The following CHRM3 variants were observed in gnomAD, a reference collection of about 807,000 sequenced individuals.
The protein encoded by CHRM3 is cholinergic receptor muscarinic 3.
A neutral mutation model predicts 41.8 loss-of-function variants in CHRM3; 11 were observed. The ratio of observed to expected loss-of-function variants is 0.26; its 90% confidence interval spans 0.17 to 0.44. The LOEUF (loss-of-function observed/expected upper bound fraction) is 0.44, where lower values mean the gene tolerates loss of function less well. CHRM3 is among the 20% of genes least tolerant of loss of function. CHRM3 has a pLI of 1.00. For synonymous variants in CHRM3, 297 were observed against 301.4 expected, an observed-to-expected ratio of 0.99 and a Z score of 0.15; for missense variants, 571 against 745.4, an observed-to-expected ratio of 0.77 and a Z score of 2.72.
At chr1:239,813,888 G>A (rs1189723370) in intron 5 of CHRM3, among the ~76,000 whole-genome samples, 2 of 124,060 alleles carry the variant, frequency 1.6e-5, no homozygotes, top group Non-Finnish European at 3.2e-5. Context: ...CTGCACTCCA[G>A]CCTGGGCGAC....
intron 3 of CHRM3, among the ~76,000 whole-genome samples, chr1:239,565,184 T>A (rs746991399): frequency 1.1e-4 from 17 of 152,178 alleles, no homozygotes; most frequent in Non-Finnish European, 1.5e-5. Flanking sequence ...TCAAGATCCT[T>A]AGTTAATTAC....
At chr1:239,584,428 C>T (rs1327990484) in intron 3 of CHRM3, among the ~76,000 whole-genome samples, 2 of 151,902 alleles carry the variant, frequency 1.3e-5, no homozygotes, top group Non-Finnish European at 1.5e-5. Flanking sequence ...TTATTTTGAG[C>T]GGCTGAGATA....
chr1:239,725,715 G>T (rs1030521808), intron 5 of CHRM3, among the ~76,000 whole-genome samples: 1 of 151,884 alleles, frequency 6.6e-6, no homozygotes, highest in African/African-American at 2.4e-5. Context: ...CTAGCTAAAC[G>T]CTTTATAAAG....
Position 239,634,685 on chromosome 1 carries a change from GA to G in CHRM3, c.-250+2408del, listed in dbSNP as rs200955746. 8.3e-4 allele frequency among the ~76,000 whole-genome samples: 124 copies of G among 148,978 alleles called. 1 individual carries two copies. In the East Asian group the frequency reaches 0.02, roughly 24 times the overall value. ...AATTCACTCTTGTTGACTTGGTTCA[GA>G]AAAAAAAATACAGGTTAAAAACTAA... On this transcript the variant is annotated intron_variant, in intron 4 of 6. Coordinates refer to ENST00000676153, the MANE Select transcript of CHRM3 (RefSeq NM_001375978.1).
intron 5 of CHRM3, chr1:239,727,682 G>A (rs939511975): frequency 6.6e-6 from 1 of 151,816 alleles, no homozygotes. Flanking sequence ...AATGATGCAG[G>A]CTTCATTAAG....
At chr1:239,628,331 C>T (rs1311732601) in intron 3 of CHRM3, among the ~76,000 whole-genome samples, 1 of 51,268 alleles carries the variant, frequency 2.0e-5, no homozygotes. Flanking sequence ...ACGTAGTTCT[C>T]GAGCCTTGGT....
intron 1 of CHRM3, among the ~76,000 whole-genome samples, chr1:239,440,247 G>C (rs1663609637): frequency 6.7e-6 from 1 of 149,916 alleles, no homozygotes; most frequent in African/African-American, 2.5e-5. Flanking sequence ...TTAGAGACCT[G>C]AGCCTGATAA....
chr1:239,877,821 G>A (rs1677232901), intron 6 of CHRM3, among the ~76,000 whole-genome samples: 1 of 152,072 alleles, frequency 6.6e-6, no homozygotes, highest in South Asian at 2.1e-4. Flanking sequence ...TTCTGTGATG[G>A]GGAGGAGAGG....
At chr1:239,653,230 T>C (rs1672400774) in intron 4 of CHRM3, among the ~76,000 whole-genome samples, 1 of 152,004 alleles carries the variant, frequency 6.6e-6, no homozygotes, top group Non-Finnish European at 1.5e-5. Context: ...GTAAGGGGGA[T>C]TCCTAGGAAA....
At chr1:239,889,226 G>A (rs1293015886) in intron 6 of CHRM3, among the ~76,000 whole-genome samples, 2 of 152,190 alleles carry the variant, frequency 1.3e-5, no homozygotes, top group Non-Finnish European at 2.9e-5. Flanking sequence ...GAGCACGGAA[G>A]ATTGGTTGGA....
intron 1 of CHRM3, among the ~76,000 whole-genome samples, chr1:239,396,700 A>C (rs1659511970): frequency 6.6e-6 from 1 of 152,204 alleles, no homozygotes; most frequent in Admixed American, 6.5e-5. Flanking sequence ...ATGGAAATAT[A>C]TATCAAAAGT....
intron 5 of CHRM3, among the ~76,000 whole-genome samples, chr1:239,742,449 C>T (rs577008487): frequency 5.3e-5 from 8 of 152,192 alleles, no homozygotes; most frequent in African/African-American, 1.2e-4. Context: ...GGACTCTCTG[C>T]GGGTGTTTAC....
rs1039416931 is a variant in CHRM3 at position 239,915,006 on chromosome 1, T to TA, written c.*5783dup. On this transcript the variant is annotated 3_prime_UTR_variant, in exon 7 of 7. Coordinates refer to ENST00000676153, the MANE Select transcript of CHRM3 (RefSeq NM_001375978.1). ...TCTTTCTTTTAAATATAGGAACTGTTACCAAGTTTGGTGCAGGCTTGAGGA... is the reference window on the plus strand; with the variant it reads ...TCTTTCTTTTAAATATAGGAACTGTTAACCAAGTTTGGTGCAGGCTTGAGGA... 1.2e-5 allele frequency: 2 copies of TA among 167,228 alleles called. No individual in the cohort carries two copies. Among genetic ancestry groups the TA allele is most frequent in the Admixed American group, 6.5e-5 (1 of 15,306 alleles). The allele number at this position is 167,228 out of a possible 1,614,324, so 10.4% of individuals were successfully genotyped here.
intron 3 of CHRM3, among the ~76,000 whole-genome samples, chr1:239,552,055 T>A (rs993893414): frequency 6.6e-6 from 1 of 151,760 alleles, no homozygotes; most frequent in Non-Finnish European, 1.5e-5. Flanking sequence ...AAAGCTTTGA[T>A]ATGCTCAAGT....
At chr1:239,709,129 A>G (rs1661507071) in intron 5 of CHRM3, among the ~76,000 whole-genome samples, 1 of 151,908 alleles carries the variant, frequency 6.6e-6, no homozygotes, top group Admixed American at 6.6e-5. Context: ...GCTTTCTTTT[A>G]CTTTCTATTT....
intron 1 of CHRM3, among the ~76,000 whole-genome samples, chr1:239,470,729 TG>T (rs1317118110): frequency 6.6e-6 from 1 of 152,226 alleles, no homozygotes; most frequent in Non-Finnish European, 1.5e-5. Flanking sequence ...CCCAGGTCAT[TG>T]TGGAGTGGAA....
At chr1:239,555,493 T>C (rs1660265013) in intron 3 of CHRM3, among the ~76,000 whole-genome samples, 1 of 152,132 alleles carries the variant, frequency 6.6e-6, no homozygotes, top group African/African-American at 2.4e-5. Flanking sequence ...GAGGACTTGC[T>C]AAAACAGGAA....
At chr1:239,710,146 T>C (rs1661619634) in intron 5 of CHRM3, among the ~76,000 whole-genome samples, 1 of 152,156 alleles carries the variant, frequency 6.6e-6, no homozygotes, top group Admixed American at 6.5e-5. Flanking sequence ...AAATAGCCAA[T>C]TAAAAACAAA....
At chr1:239,849,418 CT>C (rs1384865118) in intron 6 of CHRM3, among the ~76,000 whole-genome samples, 3 of 152,168 alleles carry the variant, frequency 2.0e-5, no homozygotes, top group Admixed American at 2.0e-4. Context: ...CTAAAACAAA[CT>C]TCAAATACTG....
Sources: allele counts gnomAD v4.1 joint callset (sites outside exome capture counted in the v4.1 genomes callset), GRCh38; gene constraint gnomAD v4.1.1; transcripts MANE v1.5; gene names NCBI Gene and HGNC (gene_info 2026-07-23, HGNC 2026-07-21).